Variants in CES5A observed in about 807,000 individuals in gnomAD.
The protein encoded by CES5A is carboxylesterase 5.
A neutral mutation model predicts 62.9 loss-of-function variants in CES5A; 67 were observed. That is an observed-to-expected ratio of 1.07 (90% CI 0.88 to 1.31). CES5A has a LOEUF of 1.31. CES5A is among the 50% of genes most tolerant of loss of function. The probability of loss-of-function intolerance (pLI) is 0.00; values close to 1 mark genes in which losing one functional copy is unlikely to be tolerated. For synonymous variants in CES5A, 296 were observed against 280.8 expected (o/e 1.05, Z -0.54); for missense variants, 748 against 708.5 (o/e 1.06, Z -0.63).
chr16:55,884,208 C>A (rs2033790319), intron 1 of CES5A, among the ~76,000 whole-genome samples: 2 of 152,214 alleles, frequency 1.3e-5, no homozygotes, highest in South Asian at 2.1e-4. Context: ...GGGAACTGAG[C>A]AAAGATTTGT....
chr16:55,877,420 G>GTA (rs139169411), upstream of CES5A, among the ~76,000 whole-genome samples: 31 of 148,238 alleles, frequency 2.1e-4, no homozygotes, highest in South Asian at 4.4e-4. Context: ...GTGTGTGTGT[G>GTA]TATATATATA....
chr16:55,856,813 T>G (rs1389565172), intron 8 of CES5A, among the ~76,000 whole-genome samples: 2 of 152,230 alleles, frequency 1.3e-5, no homozygotes, highest in African/African-American at 4.8e-5. Flanking sequence ...GTGATTACAT[T>G]AAAATGTGGC....
Position 55,875,228 on chromosome 16 carries a change from G to A in CES5A, c.-7C>T. 1.2e-6 allele frequency: 2 copies of A among 1,613,490 alleles called. No homozygotes were observed. The highest frequency in any genetic ancestry group is 1.7e-6 in the Non-Finnish European group (2 of 1,179,724). On this transcript the variant is annotated 5_prime_UTR_variant, in exon 1 of 13. Transcript: ENST00000290567. ...GCACCCAATTCCCACTCATTTGGCT[G>A]CCTGCCTGCACTCTGTGAACATTGA...
chr16:55,878,852 C>T (rs1244510992), upstream of CES5A, among the ~76,000 whole-genome samples: 1 of 147,752 alleles, frequency 6.8e-6, no homozygotes, highest in Non-Finnish European at 1.5e-5. Flanking sequence ...CCACCACTAC[C>T]TCCATCACTG....
At chr16:55,938,303 C>T (rs973214336) in intron 2 of CES5A, among the ~76,000 whole-genome samples, 3 of 152,146 alleles carry the variant, frequency 2.0e-5, no homozygotes, top group African/African-American at 7.2e-5. Context: ...TACTGAGACC[C>T]AGCTTCTCTG....
rs774943049 is a variant in CES5A at position 55,869,752 on chromosome 16, G to A, written c.418-8C>T. On this transcript the variant is annotated splice_region_variant and splice_polypyrimidine_tract_variant and intron_variant, in intron 3 of 12. Coordinates refer to ENST00000290567, the MANE Select transcript of CES5A (RefSeq NM_001143685.2). The stretch of plus-strand genomic sequence containing the variant: ...TGGGAACCACACCAAGACCTGAGGA[G>A]GGGAGAAGAGCATCCAGTCAGCCCA... 6 of 1,595,902 alleles carry A rather than the reference G, an allele frequency of 3.8e-6. No homozygotes were observed. The highest frequency in any genetic ancestry group is 3.4e-5 in the Admixed American group (2 of 58,224).
intron 6 of CES5A, among the ~76,000 whole-genome samples, chr16:55,863,057 G>T (rs750515287): frequency 2.6e-5 from 4 of 152,208 alleles, no homozygotes; most frequent in Non-Finnish European, 5.9e-5. Flanking sequence ...GAACTGTATA[G>T]AATACAGGGG....
At chr16:55,927,565 A>G (rs543467903), upstream of CES5A, among the ~76,000 whole-genome samples, 7 of 152,350 alleles carry the variant, frequency 4.6e-5, no homozygotes, top group South Asian at 1.4e-3. Context: ...AACCACAGTA[A>G]GATATCACCT....
intron 1 of CES5A, among the ~76,000 whole-genome samples, 173 bp downstream of exon 1, chr16:55,874,976 A>G (rs1176599058): frequency 5.3e-5 from 8 of 152,246 alleles, no homozygotes; most frequent in African/African-American, 1.9e-4. Flanking sequence ...ACTCCCAAGA[A>G]GGAAGCTCTG....
rs552495446 is a variant in CES5A, at chr16:55,914,160, C to G, written c.-256+11163G>C. ...TAAAGTTCAACTTTTACAGGGCCTC[C>G]TATATTTTTATTTGCAAAATCTGGC... On this transcript the variant is annotated intron_variant, in intron 1 of 12. Transcript: ENST00000518005. Among the ~76,000 whole-genome samples, 7 of 152,254 alleles carry G rather than the reference C, an allele frequency of 4.6e-5. No homozygotes were observed. In the East Asian group the frequency reaches 7.7e-4, roughly 17 times the overall value.
intron 1 of CES5A, among the ~76,000 whole-genome samples, chr16:55,874,546 G>C (rs1305863043): frequency 6.6e-6 from 1 of 151,498 alleles, no homozygotes; most frequent in Non-Finnish European, 1.5e-5. Context: ...AGAATTCCAA[G>C]TAATGACATT....
Position 55,873,943 on chromosome 16 carries a change from C to T in CES5A, c.168G>A (p.Val56=), listed in dbSNP as rs764848434. 90 of 1,613,682 alleles carry T rather than the reference C, an allele frequency of 5.6e-5. No individual in the cohort carries two copies. The highest frequency in any genetic ancestry group is 7.4e-5 in the Non-Finnish European group (87 of 1,179,988). ...GAGCAGCAAAGGGGACTCCGAGGAA[C>T]ACGTTCACAGGCACAGGGCTTCCCA... ...TVLGSPVPVN[V]FLGVPFAAPP... The change falls in exon 2 of 13, where the codon GTG becomes GTA. Residue 56 remains valine (V), a synonymous_variant. Coordinates refer to ENST00000290567, the MANE Select transcript of CES5A (RefSeq NM_001143685.2).
intron 2 of CES5A, among the ~76,000 whole-genome samples, chr16:55,937,843 C>T (rs1201216289): frequency 3.9e-5 from 6 of 152,152 alleles, no homozygotes; most frequent in Non-Finnish European, 5.9e-5. Context: ...GGGCTACAAG[C>T]TTACTGTCTT....
At position 55,863,203 on chromosome 16, in the gene CES5A, G is replaced by T. The variant is rs530245730; in HGVS notation, c.810+145C>A. 4.8e-4 allele frequency: 310 copies of T among 639,530 alleles called. No homozygotes were observed. In the African/African-American group the frequency reaches 5.2e-3, roughly 11 times the overall value. The allele number at this position is 639,530 out of a possible 1,614,324, so 39.6% of individuals were successfully genotyped here. ...TTTCCTGTTGAACCAGACCTTTCAC[G>T]GAGGAACAAGGTTCACCTTGGGCCA... On this transcript the variant is annotated intron_variant, in intron 6 of 12. Transcript: ENST00000290567.
intron 3 of CES5A, among the ~76,000 whole-genome samples, chr16:55,870,606 A>G (rs1280003087): frequency 2.6e-5 from 4 of 151,888 alleles, no homozygotes; most frequent in African/African-American, 9.7e-5. Context: ...GCTGAGGCAC[A>G]GGAATCCCTT....
intron 2 of CES5A, among the ~76,000 whole-genome samples, chr16:55,949,128 T>C (rs1250745640): frequency 1.3e-5 from 2 of 152,170 alleles, no homozygotes; most frequent in East Asian, 1.9e-4. Context: ...TGCTCAATCA[T>C]AGGTTGGGAT....
chr16:55,912,209 G>C (rs558584458), intron 1 of CES5A, among the ~76,000 whole-genome samples: 1 of 152,242 alleles, frequency 6.6e-6, no homozygotes, highest in African/African-American at 2.4e-5. Flanking sequence ...TCTTCTCGCT[G>C]TCGTCAGTGT....
chr16:55,868,226 C>T (rs1480060709), intron 4 of CES5A, among the ~76,000 whole-genome samples: 1 of 152,162 alleles, frequency 6.6e-6, no homozygotes, highest in East Asian at 1.9e-4. Context: ...ATGCAGAATC[C>T]TAATATATAG....
At chr16:55,862,643 T>C (rs768062066) in intron 6 of CES5A, among the ~76,000 whole-genome samples, 3 of 152,254 alleles carry the variant, frequency 2.0e-5, no homozygotes, top group African/African-American at 7.2e-5. Flanking sequence ...TCTTGGTATA[T>C]ACTGTTATTT....
Sources: gnomAD v4.1 joint callset for allele counts (sites outside exome capture counted in the v4.1 genomes callset) on GRCh38, gnomAD v4.1.1 for gene constraint, MANE v1.5 for transcripts, NCBI Gene and HGNC (gene_info 2026-07-23, HGNC 2026-07-21) for gene names.